The following FNDC3B variants were observed in gnomAD, a reference collection of about 807,000 sequenced individuals.
FNDC3B encodes the protein fibronectin type III domain containing 3B, also known as fibronectin type III domain-containing protein 3B.
FNDC3B carries 12 observed loss-of-function variants against 151.5 expected under a neutral mutation model. That is an observed-to-expected ratio of 0.08 (90% CI 0.05 to 0.13). FNDC3B has a LOEUF of 0.13. Ranked by LOEUF, FNDC3B falls within the 10% of genes least tolerant of loss-of-function variation. The pLI is 1.00. For missense variants in FNDC3B, 1,214 were observed against 1,505.3 expected (o/e 0.81, Z 3.20); for synonymous variants, 528 against 549.0 (o/e 0.96, Z 0.54).
chr3:172,172,010 C>A (rs1386659795), intron 3 of FNDC3B, among the ~76,000 whole-genome samples: 1 of 152,104 alleles, frequency 6.6e-6, no homozygotes, highest in African/African-American at 2.4e-5. Context: ...TTTAAGAGAG[C>A]AGTTGTGCCT....
chr3:172,057,683 CTTT>C (rs11348946), intron 1 of FNDC3B, among the ~76,000 whole-genome samples: 5 of 139,906 alleles, frequency 3.6e-5, no homozygotes, highest in African/African-American at 7.8e-5. Context: ...TAACATCTAC[CTTT>C]TTTTTTTTTT....
chr3:172,394,618 A>G (rs1398721899), intron 25 of FNDC3B, among the ~76,000 whole-genome samples: 3 of 152,220 alleles, frequency 2.0e-5, no homozygotes, highest in East Asian at 3.8e-4. Context: ...AGAAAACCCT[A>G]GGGCCTGATG....
At chr3:172,103,890 A>G (rs909696397) in intron 1 of FNDC3B, among the ~76,000 whole-genome samples, 1 of 152,180 alleles carries the variant, frequency 6.6e-6, no homozygotes, top group African/African-American at 2.4e-5. Flanking sequence ...ACATACCTCC[A>G]GGTACTGCTC....
chr3:172,163,249 C>T (rs1722864830), intron 3 of FNDC3B, among the ~76,000 whole-genome samples: 1 of 150,300 alleles, frequency 6.7e-6, no homozygotes, highest in African/African-American at 2.5e-5. Context: ...CCAGCCTGGG[C>T]AACAGAGCAA....
At chr3:172,289,301 T>C (rs1224089787) in intron 7 of FNDC3B, among the ~76,000 whole-genome samples, 4 of 152,186 alleles carry the variant, frequency 2.6e-5, no homozygotes, top group Non-Finnish European at 4.4e-5. Context: ...CCTGCCTCCC[T>C]CTTTCACTTA....
At chr3:172,124,093 CT>C (rs1283199654) in intron 2 of FNDC3B, among the ~76,000 whole-genome samples, 8 of 150,182 alleles carry the variant, frequency 5.3e-5, no homozygotes, top group South Asian at 2.1e-4. Context: ...ACACTTGGAA[CT>C]TTTTTTTTTC....
chr3:172,103,526 T>G (rs911454396), intron 1 of FNDC3B, among the ~76,000 whole-genome samples: 10 of 152,274 alleles, frequency 6.6e-5, no homozygotes, highest in Non-Finnish European at 1.5e-4. Context: ...CAAAAATGTT[T>G]AAAAAGCATC....
chr3:172,383,670 G>A (rs1423858873), intron 25 of FNDC3B, among the ~76,000 whole-genome samples: 1 of 152,188 alleles, frequency 6.6e-6, no homozygotes, highest in Non-Finnish European at 1.5e-5. Context: ...AATTTGAGTA[G>A]CAAGGCTCTG....
intron 2 of FNDC3B, among the ~76,000 whole-genome samples, chr3:172,118,904 C>T (rs1251084343): frequency 6.6e-6 from 1 of 151,990 alleles, no homozygotes; most frequent in Non-Finnish European, 1.5e-5. Context: ...CATGTTGGCT[C>T]ATGCCTGTAA....
At chr3:172,263,035 T>TTAAAACCAAATTCACTC (rs1728733438) in intron 6 of FNDC3B, among the ~76,000 whole-genome samples, 1 of 150,648 alleles carries the variant, frequency 6.6e-6, no homozygotes, top group Non-Finnish European at 1.5e-5. Flanking sequence ...TCAAGTCCTC[T>TTAAAACCAAATTCACTC]TAAAACCAAA....
chr3:172,287,965 A>T (rs1056276339), intron 7 of FNDC3B, among the ~76,000 whole-genome samples: 2 of 152,210 alleles, frequency 1.3e-5, no homozygotes, highest in Admixed American at 6.5e-5. Context: ...AAGCACACAG[A>T]TGTTAGCTCT....
At chr3:172,330,438 T>C in intron 12 of FNDC3B, 103 bp from the exon 13 acceptor site, 1 of 1,011,548 alleles carries the variant, frequency 9.9e-7, no homozygotes, top group South Asian at 1.7e-5. Flanking sequence ...TTACTCTACC[T>C]GCTAGGCTGA....
In FNDC3B at chr3:172,399,155, TA is replaced by T. The variant is rs1188601271; in HGVS notation, c.*1681del. 3.3e-5 allele frequency: 5 copies of T among 152,684 alleles called. No individual in the cohort carries two copies. The highest frequency in any genetic ancestry group is 4.8e-5 in the African/African-American group (2 of 41,466). 9.5% of individuals were successfully genotyped at this position (152,684 alleles called of 1,614,324 possible). The stretch of plus-strand genomic sequence containing the variant: ...AACATTATTTTGTTTTTGGTTTATT[TA>T]TACTATATTCTGCATACAGTACTTT... On this transcript the variant is annotated 3_prime_UTR_variant, in exon 26 of 26. Coordinates refer to ENST00000415807, the MANE Select transcript of FNDC3B (RefSeq NM_022763.4).
chr3:172,155,892 A>G (rs1722452613), intron 3 of FNDC3B, among the ~76,000 whole-genome samples: 2 of 152,216 alleles, frequency 1.3e-5, no homozygotes, highest in Non-Finnish European at 2.9e-5. Flanking sequence ...GTCCGGGACT[A>G]GAAGGGGAGA....
chr3:172,307,600 G>T (rs184629302), intron 10 of FNDC3B, 99 bp downstream of exon 10: 13 of 1,240,406 alleles, frequency 1.0e-5, no homozygotes, highest in African/African-American at 7.4e-5. Context: ...GGCTGAGGAG[G>T]GGGGATCACT....
intron 1 of FNDC3B, among the ~76,000 whole-genome samples, chr3:172,088,016 G>A (rs377212440): frequency 2.6e-5 from 4 of 152,028 alleles, no homozygotes; most frequent in South Asian, 2.1e-4. Flanking sequence ...TCAGCCATTC[G>A]TTTTTTTCAG....
chr3:172,283,986 G>A (rs2108822299), intron 6 of FNDC3B, among the ~76,000 whole-genome samples: 1 of 152,038 alleles, frequency 6.6e-6, no homozygotes, highest in Non-Finnish European at 1.5e-5. Flanking sequence ...CCAGACTAAA[G>A]GTAGCACGTC....
chr3:172,212,338 C>A (rs1437437680), intron 3 of FNDC3B, among the ~76,000 whole-genome samples: 1 of 152,194 alleles, frequency 6.6e-6, no homozygotes, highest in African/African-American at 2.4e-5. Context: ...AGATGTGCTT[C>A]AAGGATCTTG....
chr3:172,158,362 TTTTTAATGGTCACTGTGGCCTTGA>T (rs1722601061), intron 3 of FNDC3B, among the ~76,000 whole-genome samples: 1 of 152,222 alleles, frequency 6.6e-6, no homozygotes, highest in Non-Finnish European at 1.5e-5. Context: ...TGGTCTGATG[TTTTTAATGGTCACTGTGGCCTTGA>T]TTTACATTTC....
Sources: allele counts gnomAD v4.1 joint callset (sites outside exome capture counted in the v4.1 genomes callset), GRCh38; gene constraint gnomAD v4.1.1; transcripts MANE v1.5; gene names NCBI Gene and HGNC (gene_info 2026-07-23, HGNC 2026-07-21).